SLC16A7: variants seen among roughly 807,000 people sequenced by gnomAD.
The protein encoded by SLC16A7 is monocarboxylate transporter 2.
A neutral mutation model predicts 34.9 loss-of-function variants in SLC16A7; 33 were observed. That is an observed-to-expected ratio of 0.94 (90% CI 0.72 to 1.26). SLC16A7 has a LOEUF of 1.26. SLC16A7 is among the 50% of genes most tolerant of loss of function. SLC16A7 has a pLI of 0.00. For synonymous variants in SLC16A7, 201 were observed against 206.6 expected (o/e 0.97, Z 0.23); for missense variants, 573 against 578.1 (o/e 0.99, Z 0.09).
At chr12:59,702,870 G>C (rs932959063) in intron 2 of SLC16A7, among the ~76,000 whole-genome samples, 2 of 151,756 alleles carry the variant, frequency 1.3e-5, no homozygotes, top group Non-Finnish European at 2.9e-5. Flanking sequence ...ATTATCTGTA[G>C]AGTCAGCAGT....
intron 1 of SLC16A7, among the ~76,000 whole-genome samples, chr12:59,619,639 A>C (rs2136978936): frequency 6.6e-6 from 1 of 152,128 alleles, no homozygotes; most frequent in Non-Finnish European, 1.5e-5. Context: ...GAAGGTGGTC[A>C]TGTGTACCTC....
intron 2 of SLC16A7, among the ~76,000 whole-genome samples, chr12:59,691,124 T>G (rs1381222779): frequency 3.9e-5 from 6 of 152,046 alleles, no homozygotes; most frequent in Non-Finnish European, 7.4e-5. Flanking sequence ...AATATATAAA[T>G]CATACATGGT....
rs187917722 is a variant in SLC16A7 at position 59,684,576 on chromosome 12, C to T, written c.-30-20196C>T. Among the ~76,000 whole-genome samples the T allele has an allele frequency of 1.1e-4, 16 of 152,026 alleles. No homozygotes were observed. The East Asian group carries it at 1.2e-3, about 11-fold the overall frequency. ...TCTCTGGTGGAGAGTGAAGATGTATCGAAGAAGTGTTAGGACAAGGAACAC... is the reference window on the plus strand; with the variant it reads ...TCTCTGGTGGAGAGTGAAGATGTATTGAAGAAGTGTTAGGACAAGGAACAC... On this transcript the variant is annotated intron_variant, in intron 2 of 5. Transcript: ENST00000547379.
intron 3 of SLC16A7, among the ~76,000 whole-genome samples, chr12:59,746,429 T>C (rs1362592273): frequency 6.6e-6 from 1 of 152,246 alleles, no homozygotes; most frequent in Non-Finnish European, 1.5e-5. Flanking sequence ...TAGAAAGGTC[T>C]TGTTTGTCTT....
Position 59,625,297 on chromosome 12 carries a change from A to G in SLC16A7, c.-130+29061A>G, listed in dbSNP as rs915780990. On this transcript the variant is annotated intron_variant, in intron 1 of 5. Transcript: ENST00000547379. The stretch of plus-strand genomic sequence containing the variant: ...CAATGCAAAATGACCTCACACTTCT[A>G]GTGCCCAGCACAATTCAACTGATGC... Among the ~76,000 whole-genome samples, 11 of 151,812 alleles carry G rather than the reference A, an allele frequency of 7.2e-5. 1 individual carries two copies. The highest frequency in any genetic ancestry group is 4.6e-4 in the Admixed American group (7 of 15,192).
intron 1 of SLC16A7, among the ~76,000 whole-genome samples, chr12:59,626,354 C>T (rs1403981312): frequency 6.6e-6 from 1 of 151,666 alleles, no homozygotes; most frequent in South Asian, 2.1e-4. Context: ...TGGGTTATTT[C>T]TAGGCCTCTG....
chr12:59,751,250 G>A (rs1002082992), intron 3 of SLC16A7, among the ~76,000 whole-genome samples: 2 of 152,232 alleles, frequency 1.3e-5, no homozygotes, highest in African/African-American at 2.4e-5. Flanking sequence ...CAGACAGTGG[G>A]CTCAGGACAG....
intron 3 of SLC16A7, among the ~76,000 whole-genome samples, chr12:59,757,519 A>G (rs545773024): frequency 1.3e-5 from 2 of 152,314 alleles, no homozygotes; most frequent in Non-Finnish European, 2.9e-5. Context: ...CTTCTATGAT[A>G]CAGGCACTGG....
intron 2 of SLC16A7, among the ~76,000 whole-genome samples, chr12:59,691,885 C>T (rs1328018128): frequency 1.3e-5 from 2 of 151,934 alleles, no homozygotes; most frequent in African/African-American, 4.8e-5. Context: ...ATTGTGCCTA[C>T]AAGAAAAACA....
chr12:59,779,690 A>T lies in SLC16A7; in HGVS notation c.*11A>T. Reference sequence around the variant, plus strand: ...GAAACTAACATTTAACAAGAATCACATCTCTGATTTCAGTGTTTATGACTT... The same window carrying T: ...GAAACTAACATTTAACAAGAATCACTTCTCTGATTTCAGTGTTTATGACTT... On this transcript the variant is annotated 3_prime_UTR_variant, in exon 6 of 6. Transcript: ENST00000547379. 6.3e-7 allele frequency: 1 copy of T among 1,597,448 alleles called. No homozygotes were observed. Among genetic ancestry groups the T allele is most frequent in the Non-Finnish European group, 8.5e-7 (1 of 1,170,216 alleles).
At chr12:59,644,477 G>C (rs1880823580) in intron 1 of SLC16A7, among the ~76,000 whole-genome samples, 1 of 152,182 alleles carries the variant, frequency 6.6e-6, no homozygotes, top group Admixed American at 6.5e-5. Flanking sequence ...TGAGGCACGA[G>C]AATTGCTTGA....
intron 3 of SLC16A7, among the ~76,000 whole-genome samples, chr12:59,709,420 GGCTTTAACATA>G (rs774064354): frequency 6.6e-6 from 1 of 151,534 alleles, no homozygotes; most frequent in Non-Finnish European, 1.5e-5. Flanking sequence ...AGAAGCAAAA[GGCTTTAACATA>G]GCAGGTTGGT....
At chr12:59,764,647 A>G (rs1881394451) in intron 3 of SLC16A7, among the ~76,000 whole-genome samples, 1 of 151,962 alleles carries the variant, frequency 6.6e-6, no homozygotes, top group Non-Finnish European at 1.5e-5. Context: ...CCATGTCCCT[A>G]CAAAAGACAT....
At chr12:59,726,433 TGAAGGATAGGGTAAAAGAGAAAGAA>T (rs1395460062) in intron 3 of SLC16A7, among the ~76,000 whole-genome samples, 1 of 151,864 alleles carries the variant, frequency 6.6e-6, no homozygotes, top group Non-Finnish European at 1.5e-5. Flanking sequence ...AGAAAAAAAA[TGAAGGATAGGGTAAAAGAGAAAGAA>T]GGGGAAGATT....
intron 1 of SLC16A7, among the ~76,000 whole-genome samples, chr12:59,634,749 G>T (rs557505638): frequency 6.6e-6 from 1 of 152,018 alleles, no homozygotes; most frequent in Non-Finnish European, 1.5e-5. Context: ...TTAAGAGTCT[G>T]AATAAAGTTT....
At chr12:59,624,994 C>A (rs1287512747) in intron 1 of SLC16A7, among the ~76,000 whole-genome samples, 1 of 151,732 alleles carries the variant, frequency 6.6e-6, no homozygotes, top group East Asian at 1.9e-4. Flanking sequence ...AAGTACTAGT[C>A]TTAGCCATCT....
chr12:59,751,653 G>C (rs1879580178), intron 3 of SLC16A7, among the ~76,000 whole-genome samples: 1 of 152,354 alleles, frequency 6.6e-6, no homozygotes, highest in Admixed American at 6.5e-5. Context: ...GCCTGCCTCT[G>C]TAGGCTCCAC....
chr12:59,700,356 A>G (rs1872734200), intron 2 of SLC16A7, among the ~76,000 whole-genome samples: 1 of 151,616 alleles, frequency 6.6e-6, no homozygotes, highest in African/African-American at 2.4e-5. Context: ...TTATAAGTCT[A>G]TGTGCATCAT....
At position 59,751,557 on chromosome 12, in the gene SLC16A7, G is replaced by A. The variant is rs543762964; in HGVS notation, c.218-19662G>A. On this transcript the variant is annotated intron_variant, in intron 3 of 5. Coordinates refer to ENST00000547379, the MANE Select transcript of SLC16A7 (RefSeq NM_001270623.2). Reference sequence around the variant, plus strand: ...GCGGCAGCGAGGCTGGGGGAGGTGCGCCCGCCATTGCCCAGGCTTGCTTAG... The same window carrying A: ...GCGGCAGCGAGGCTGGGGGAGGTGCACCCGCCATTGCCCAGGCTTGCTTAG... 4.6e-5 allele frequency among the ~76,000 whole-genome samples: 7 copies of A among 152,312 alleles called. No homozygotes were observed. The East Asian group carries it at 5.8e-4, about 13-fold the overall frequency.
Sources: gnomAD v4.1 joint callset for allele counts (sites outside exome capture counted in the v4.1 genomes callset) on GRCh38, gnomAD v4.1.1 for gene constraint, MANE v1.5 for transcripts, NCBI Gene and HGNC (gene_info 2026-07-23, HGNC 2026-07-21) for gene names.